PARD3B: variants seen among roughly 807,000 people sequenced by gnomAD.
PARD3B encodes the protein partitioning defective 3 homolog B.
Under a neutral mutation model 130.2 loss-of-function variants are expected in PARD3B, and 103 were observed. The ratio of observed to expected loss-of-function variants is 0.79; its 90% confidence interval spans 0.67 to 0.93. PARD3B has a LOEUF of 0.93. Ranked by LOEUF, PARD3B falls within the 40% of genes least tolerant of loss-of-function variation. The pLI is 0.00. For missense variants in PARD3B, 1,609 were observed against 1,499.2 expected, an observed-to-expected ratio of 1.07 and a Z score of -1.21; for synonymous variants, 583 against 553.2, an observed-to-expected ratio of 1.05 and a Z score of -0.76.
At chr2:204,876,919 C>T (rs1283044228) in intron 2 of PARD3B, among the ~76,000 whole-genome samples, 1 of 152,138 alleles carries the variant, frequency 6.6e-6, no homozygotes, top group Non-Finnish European at 1.5e-5. Context: ...TTGAACTGTG[C>T]AGGTCCACGT....
chr2:205,395,250 C>T (rs1019197229), intron 18 of PARD3B, among the ~76,000 whole-genome samples: 3 of 152,194 alleles, frequency 2.0e-5, no homozygotes, highest in African/African-American at 7.2e-5. Flanking sequence ...ATCATGCCTA[C>T]ATGGCTTCTG....
At chr2:204,976,263 G>A (rs1692139071) in intron 3 of PARD3B, among the ~76,000 whole-genome samples, 1 of 152,168 alleles carries the variant, frequency 6.6e-6, no homozygotes, top group African/African-American at 2.4e-5. Context: ...GCAGTGTAGT[G>A]TAGAAATTAA....
chr2:204,958,549 A>G (rs1389071980), intron 2 of PARD3B, among the ~76,000 whole-genome samples: 1 of 152,220 alleles, frequency 6.6e-6, no homozygotes, highest in Non-Finnish European at 1.5e-5. Context: ...TTCCTCTGTC[A>G]GTCCTGTGAT....
chr2:204,879,867 C>T (rs1041778894), intron 2 of PARD3B, among the ~76,000 whole-genome samples: 1 of 152,182 alleles, frequency 6.6e-6, no homozygotes, highest in African/African-American at 2.4e-5. Flanking sequence ...TGGGCTTATT[C>T]TTTTTGCCAG....
chr2:205,600,608 G>T (rs866171591), intron 22 of PARD3B, among the ~76,000 whole-genome samples: 1 of 152,084 alleles, frequency 6.6e-6, no homozygotes, highest in African/African-American at 2.4e-5. Context: ...CCATCACCTC[G>T]GTATTAACCC....
Position 205,032,874 on chromosome 2 carries a change from A to G in PARD3B, c.395-14707A>G, listed in dbSNP as rs1344831498. ...TTCAAATGCAACTGATAAATCATAT[A>G]GATTTGTATTCAGGATGCCTGAAAT... On this transcript the variant is annotated intron_variant, in intron 3 of 22. Transcript: ENST00000406610. Among the ~76,000 whole-genome samples the G allele has an allele frequency of 2.3e-4, 35 of 152,210 alleles. 1 individual carries two copies. Among genetic ancestry groups the G allele is most frequent in the Admixed American group, 2.2e-3 (34 of 15,270 alleles).
intron 2 of PARD3B, among the ~76,000 whole-genome samples, chr2:204,931,134 A>G (rs1047322114): frequency 3.3e-5 from 5 of 152,150 alleles, no homozygotes; most frequent in African/African-American, 4.8e-5. Flanking sequence ...AAGATCTTCA[A>G]GGACGTTTGT....
chr2:204,898,212 A>G (rs2046714941), intron 2 of PARD3B, among the ~76,000 whole-genome samples: 1 of 151,940 alleles, frequency 6.6e-6, no homozygotes. Flanking sequence ...TTACATAGGT[A>G]TATATATTTA....
intron 2 of PARD3B, among the ~76,000 whole-genome samples, chr2:204,804,192 A>C (rs2125507403): frequency 6.6e-6 from 1 of 152,220 alleles, no homozygotes; most frequent in African/African-American, 2.4e-5. Context: ...TCACACCATT[A>C]TACTCCAGCC....
At chr2:205,388,021 G>C (rs2045724120) in intron 18 of PARD3B, among the ~76,000 whole-genome samples, 1 of 152,074 alleles carries the variant, frequency 6.6e-6, no homozygotes, top group Non-Finnish European at 1.5e-5. Flanking sequence ...TTTTTAAAAA[G>C]AGCCCCAGAG....
intron 2 of PARD3B, among the ~76,000 whole-genome samples, chr2:204,912,714 AAGTTTC>A (rs1205195986): frequency 6.8e-4 from 103 of 152,178 alleles, no homozygotes; most frequent in Admixed American, 6.5e-5. Flanking sequence ...TAAATTTTGA[AAGTTTC>A]ATTGGGAAAT....
chr2:205,429,564 C>T (rs1195175901), intron 19 of PARD3B, among the ~76,000 whole-genome samples: 1 of 152,118 alleles, frequency 6.6e-6, no homozygotes, highest in Non-Finnish European at 1.5e-5. Flanking sequence ...GTCTCCTTAG[C>T]ATTACTAAAG....
At chr2:204,980,483 A>G (rs116271147) in intron 3 of PARD3B, among the ~76,000 whole-genome samples, 1 of 152,200 alleles carries the variant, frequency 6.6e-6, no homozygotes, top group Non-Finnish European at 1.5e-5. Flanking sequence ...ACTTACTTCC[A>G]AAGAATAGGA....
chr2:205,185,884 C>A, intron 14 of PARD3B, 21 bp downstream of exon 14: 1 of 1,570,456 alleles, frequency 6.4e-7, no homozygotes, highest in Middle Eastern at 1.7e-4. Flanking sequence ...AATGATGTAT[C>A]GTAAATGCTC....
chr2:204,719,693 AAGT>A (rs1204122146), intron 2 of PARD3B, among the ~76,000 whole-genome samples: 3 of 152,226 alleles, frequency 2.0e-5, no homozygotes. Context: ...AAGAAACAAG[AAGT>A]ATTATTACTG....
chr2:205,420,014 GCTGCTTTACTCTC>G (rs2046912676), intron 19 of PARD3B, among the ~76,000 whole-genome samples: 1 of 152,176 alleles, frequency 6.6e-6, no homozygotes, highest in African/African-American at 2.4e-5. Flanking sequence ...AAAAGCATTT[GCTGCTTTACTCTC>G]AATCAAGCAG....
intron 21 of PARD3B, among the ~76,000 whole-genome samples, chr2:205,503,606 T>G (rs1364228992): frequency 6.6e-6 from 1 of 152,184 alleles, no homozygotes; most frequent in Non-Finnish European, 1.5e-5. Flanking sequence ...TCAGGTAGCA[T>G]GATGCCTCCA....
rs941442065 is a variant in PARD3B, at chr2:205,471,088, T to G, written c.3045-28808T>G. Among the ~76,000 whole-genome samples the G allele has an allele frequency of 2.6e-5, 4 of 152,280 alleles. No homozygotes were observed. The East Asian group carries it at 5.8e-4, about 22-fold the overall frequency. On this transcript the variant is annotated intron_variant, in intron 20 of 22. Coordinates refer to ENST00000406610, the MANE Select transcript of PARD3B (RefSeq NM_001302769.2). ...GGCAGTGTTGGTCAGCTGTGTCTTT[T>G]TAAGTGGATCCATGTTGAAGTTTGT...
At position 204,887,992 on chromosome 2, in the gene PARD3B, G is replaced by A. The variant is rs923908015; in HGVS notation, c.223-77160G>A. 2.0e-5 allele frequency among the ~76,000 whole-genome samples: 3 copies of A among 152,090 alleles called. No homozygotes were observed. The highest frequency in any genetic ancestry group is 3.9e-4 in the East Asian group (2 of 5,174). On this transcript the variant is annotated intron_variant, in intron 2 of 22. Coordinates refer to ENST00000406610, the MANE Select transcript of PARD3B (RefSeq NM_001302769.2). This position sits in a 1 kb window ranked among gnomAD's most constrained non-coding sequence, Gnocchi z 4.2. ...AAGACCCCAGCATTCCAACTGGGAGGGATCATTGGTGAAGTGTCAAGATGT... is the reference window on the plus strand; with the variant it reads ...AAGACCCCAGCATTCCAACTGGGAGAGATCATTGGTGAAGTGTCAAGATGT...
Sources: gnomAD v4.1 joint callset for allele counts (sites outside exome capture counted in the v4.1 genomes callset) on GRCh38, gnomAD v4.1.1 for gene constraint, Gnocchi (gnomAD v3.1) non-coding constraint, MANE v1.5 for transcripts, NCBI Gene and HGNC (gene_info 2026-07-23, HGNC 2026-07-21) for gene names.